Variants in UNC13B observed in about 807,000 individuals in gnomAD.
UNC13B encodes unc-13 homolog B.
In UNC13B, 144 loss-of-function variants were observed where a neutral mutation model predicts 211.0. The observed-to-expected ratio is 0.68, with a 90% CI of 0.60 to 0.78. UNC13B has a LOEUF of 0.78. Among genes scored for constraint, UNC13B ranks in the 30% least tolerant of loss-of-function variants. The probability of loss-of-function intolerance (pLI) is 0.00; values close to 1 mark genes in which losing one functional copy is unlikely to be tolerated. For missense variants in UNC13B, 1,777 were observed against 2,002.0 expected, an observed-to-expected ratio of 0.89 and a Z score of 2.14; for synonymous variants, 709 against 725.8, an observed-to-expected ratio of 0.98 and a Z score of 0.37.
chr9:35,228,484 C>A (rs181608487), intron 2 of UNC13B, among the ~76,000 whole-genome samples: 15 of 151,930 alleles, frequency 9.9e-5, no homozygotes, highest in Admixed American at 3.9e-4. Flanking sequence ...TATCCCTCCC[C>A]CCGTCCCCCA....
rs1335099975 is a variant in UNC13B at position 35,381,690 on chromosome 9, T to C, written c.10626T>C (p.Tyr3542=). 7 of 1,614,078 alleles carry C rather than the reference T, an allele frequency of 4.3e-6. No homozygotes were observed. The highest frequency in any genetic ancestry group is 2.2e-5 in the South Asian group (2 of 91,086). The change falls in exon 20 of 40, where the codon TAT becomes TAC. Residue 3542 remains tyrosine (Y), a synonymous_variant. Coordinates refer to ENST00000635942, the MANE Select transcript of UNC13B (RefSeq NM_001371189.2). The stretch of plus-strand genomic sequence containing the variant: ...TTGTGGATGAATTTGCCATGCGTTA[T>C]GGCATTGAGTCCATATATCAGGCCA... ...QEIVDEFAMR[Y]GIESIYQAMT... is the part of the protein sequence containing the mutation.
At chr9:35,309,810 A>G (rs752289914) in intron 9 of UNC13B, among the ~76,000 whole-genome samples, 91 of 152,202 alleles carry the variant, frequency 6.0e-4, no homozygotes, top group Non-Finnish European at 1.1e-3. Context: ...GACGCTTCCT[A>G]TGCTGCCAGG....
rs899457562 is a variant in UNC13B, at chr9:35,300,770, A to G, written c.1366A>G (p.Ile456Val). Residue 456 changes from isoleucine (I) to valine (V), a missense_variant, in exon 9 of 40, where the codon ATT becomes GTT. Ile to Val is a conservative substitution (Grantham distance 29, BLOSUM62 3). Coordinates refer to ENST00000635942, the MANE Select transcript of UNC13B (RefSeq NM_001371189.2). ...TATTGAGGAGCCCAAGGAGGACCGT[A>G]TTGATACAATGGATGAGCTTCAGTG... ...SSIEEPKEDR[I>V]DTMDELQCLV... is the part of the protein sequence containing the mutation. The G allele has an allele frequency of 5.3e-5, 21 of 398,862 alleles. No individual in the cohort carries two copies. The highest frequency in any genetic ancestry group is 8.4e-5 in the Non-Finnish European group (19 of 226,066). 24.7% of individuals were successfully genotyped at this position (398,862 alleles called of 1,614,324 possible). A position where few individuals can be genotyped will look rare whatever the true frequency, so the allele number is the denominator to read the frequency against.
At chr9:35,350,286 T>G (rs1832630376) in intron 11 of UNC13B, among the ~76,000 whole-genome samples, 1 of 152,154 alleles carries the variant, frequency 6.6e-6, no homozygotes, top group Non-Finnish European at 1.5e-5. Flanking sequence ...CAAGTCTGTC[T>G]TTACCTTATT....
intron 11 of UNC13B, among the ~76,000 whole-genome samples, chr9:35,332,376 C>G (rs1285499736): frequency 1.3e-5 from 2 of 152,120 alleles, no homozygotes; most frequent in Admixed American, 6.5e-5. Flanking sequence ...TAAAACTTCC[C>G]TCTTGAGCCT....
At chr9:35,403,672 C>CG (rs1836490430) in intron 39 of UNC13B, 73 bp downstream of exon 39, 11 of 1,201,854 alleles carry the variant, frequency 9.2e-6, no homozygotes, top group South Asian at 9.1e-5. Flanking sequence ...GAGGAGGGCC[C>CG]GGGGGGATGG....
At chr9:35,178,597 G>C (rs1420781508) in intron 1 of UNC13B, among the ~76,000 whole-genome samples, 1 of 151,920 alleles carries the variant, frequency 6.6e-6, no homozygotes, top group Non-Finnish European at 1.5e-5. Flanking sequence ...TTTCAGAGTG[G>C]TTACATATGA....
At chr9:35,399,114 G>A (rs2132366804) in intron 33 of UNC13B, 47 bp from the exon 34 acceptor site, 1 of 1,614,042 alleles carries the variant, frequency 6.2e-7, no homozygotes, top group East Asian at 2.2e-5. Context: ...TGGGGAGAGG[G>A]GTTCTCAAAC....
In UNC13B at chr9:35,396,863, C is replaced by G. The variant is rs766380400; in HGVS notation, c.11458C>G (p.Gln3820Glu). Residue 3820 changes from glutamine to glutamate, a missense_variant, in exon 28 of 40, where the codon CAA becomes GAA. Gln to Glu is a conservative substitution (Grantham distance 29). Coordinates refer to ENST00000635942, the MANE Select transcript of UNC13B (RefSeq NM_001371189.2). Reference sequence around the variant, plus strand: ...CAGGTGGTTTGAGCAGTTCGTGCTACAATGGCTGGATGAGAATGAGGATGT... The same window carrying G: ...CAGGTGGTTTGAGCAGTTCGTGCTAGAATGGCTGGATGAGAATGAGGATGT... Reference protein sequence around the residue: ...YPAWFEQFVLQWLDENEDVSL... With the variant: ...YPAWFEQFVLEWLDENEDVSL... 1.9e-6 allele frequency: 3 copies of G among 1,614,198 alleles called. No individual in the cohort carries two copies. Among genetic ancestry groups the G allele is most frequent in the Non-Finnish European group, 2.5e-6 (3 of 1,180,040 alleles).
intron 11 of UNC13B, among the ~76,000 whole-genome samples, chr9:35,328,666 C>CCCTTCCTT (rs1564139586): frequency 2.6e-5 from 2 of 76,400 alleles, no homozygotes; most frequent in Non-Finnish European, 4.9e-5. Flanking sequence ...CTTCCTTCCT[C>CCCTTCCTT]CCTCCCTTCC....
At chr9:35,281,385 G>A (rs1053499921) in intron 7 of UNC13B, among the ~76,000 whole-genome samples, 1 of 149,282 alleles carries the variant, frequency 6.7e-6, no homozygotes, top group African/African-American at 2.5e-5. Context: ...CACTGCACTC[G>A]AGCCTGGGAG....
intron 1 of UNC13B, among the ~76,000 whole-genome samples, chr9:35,181,806 A>G (rs1821954958): frequency 6.6e-6 from 1 of 152,212 alleles, no homozygotes; most frequent in Non-Finnish European, 1.5e-5. Context: ...ACTGCACTTC[A>G]GCGTGGGTGA....
intron 12 of UNC13B, among the ~76,000 whole-genome samples, chr9:35,368,239 C>G (rs1450789012): frequency 6.6e-6 from 1 of 152,132 alleles, no homozygotes; most frequent in African/African-American, 2.4e-5. Context: ...AGGCCCGTGT[C>G]TGTTGTTACC....
At chr9:35,399,489 C>T in intron 35 of UNC13B, 41 bp downstream of exon 35, 1 of 1,613,612 alleles carries the variant, frequency 6.2e-7, no homozygotes, top group South Asian at 1.1e-5. Flanking sequence ...TGTGGTCCTT[C>T]TGAAGTCATG....
At chr9:35,212,064 T>C (rs1255193694) in intron 1 of UNC13B, among the ~76,000 whole-genome samples, 2 of 152,234 alleles carry the variant, frequency 1.3e-5, no homozygotes, top group Non-Finnish European at 2.9e-5. Flanking sequence ...TATTCTGAGT[T>C]GCAAACTTAT....
intron 1 of UNC13B, among the ~76,000 whole-genome samples, chr9:35,213,620 T>C (rs1483436956): frequency 6.6e-6 from 1 of 152,180 alleles, no homozygotes; most frequent in Non-Finnish European, 1.5e-5. Context: ...AATAAGATCC[T>C]TGCTTCCATA....
chr9:35,166,630 C>T (rs1587270633), intron 1 of UNC13B, among the ~76,000 whole-genome samples: 1 of 151,868 alleles, frequency 6.6e-6, no homozygotes, highest in African/African-American at 2.4e-5. Flanking sequence ...AGGAACACAC[C>T]ACCACACCCA....
intron 11 of UNC13B, chr9:35,351,922 C>T (rs1009480648): frequency 2.4e-6 from 3 of 1,232,236 alleles, no homozygotes; most frequent in Non-Finnish European, 3.0e-6. Context: ...AAGGCTGTAG[C>T]CGTGAACAGC....
chr9:35,237,664 A>C (rs538740075), intron 4 of UNC13B, 39 bp from the exon 5 acceptor site: 2 of 1,602,644 alleles, frequency 1.2e-6, no homozygotes, highest in South Asian at 2.3e-5. Flanking sequence ...GAGGGAGCCA[A>C]GAAAGATTAA....
Sources: allele counts gnomAD v4.1 joint callset (sites outside exome capture counted in the v4.1 genomes callset), GRCh38; gene constraint gnomAD v4.1.1; transcripts MANE v1.5; gene names NCBI Gene and HGNC (gene_info 2026-07-23, HGNC 2026-07-21).